The following TSHZ2 variants were observed in gnomAD, a reference collection of about 807,000 sequenced individuals.
TSHZ2 encodes the protein teashirt zinc finger homeobox 2, also known as teashirt homolog 2.
A neutral mutation model predicts 74.4 loss-of-function variants in TSHZ2; 21 were observed. That is an observed-to-expected ratio of 0.28 (90% CI 0.20 to 0.41). The LOEUF is 0.41. TSHZ2 is among the 10% of genes least tolerant of loss of function. The pLI, the probability that TSHZ2 is intolerant of heterozygous loss-of-function variation, is 1.00. For missense variants in TSHZ2, 1,244 were observed against 1,293.5 expected (o/e 0.96, Z 0.59); for synonymous variants, 540 against 515.3 (o/e 1.05, Z -0.65).
chr20:53,431,496 A>G (rs1224788633), intron 2 of TSHZ2, among the ~76,000 whole-genome samples: 1 of 151,696 alleles, frequency 6.6e-6, no homozygotes, highest in Non-Finnish European at 1.5e-5. Flanking sequence ...AAAGAAAGGC[A>G]CTTAGCACAC....
intron 1 of TSHZ2, among the ~76,000 whole-genome samples, chr20:52,975,955 GGACT>G (rs1331631115): frequency 1.3e-5 from 2 of 152,180 alleles, no homozygotes; most frequent in African/African-American, 2.4e-5. Context: ...TTACACCCAA[GGACT>G]GATGTTGAAA....
chr20:53,327,885 A>G (rs547858567), intron 2 of TSHZ2, among the ~76,000 whole-genome samples: 2 of 152,368 alleles, frequency 1.3e-5, no homozygotes, highest in African/African-American at 4.8e-5. Context: ...GTGAGGAGTC[A>G]GCCACACGGA....
chr20:53,201,664 T>A (rs1027028680), intron 1 of TSHZ2, among the ~76,000 whole-genome samples: 5 of 152,184 alleles, frequency 3.3e-5, no homozygotes, highest in African/African-American at 9.7e-5. Context: ...ATCTCGCCTG[T>A]CACAAGGGAC....
chr20:52,980,442 G>A (rs1411217283), intron 1 of TSHZ2, among the ~76,000 whole-genome samples: 1 of 151,288 alleles, frequency 6.6e-6, no homozygotes, highest in Non-Finnish European at 1.5e-5. Flanking sequence ...AAAAAAAAAG[G>A]CCAGCATTCT....
In TSHZ2 at chr20:53,491,427, G is replaced by C. The variant is rs1314933276; in HGVS notation, c.*4292G>C. ...ACAAATTTCCATCCCCCCAGACAGAGAGACATATTTCCATTGTAGGAAGGC... is the reference window on the plus strand; with the variant it reads ...ACAAATTTCCATCCCCCCAGACAGACAGACATATTTCCATTGTAGGAAGGC... On this transcript the variant is annotated 3_prime_UTR_variant, in exon 3 of 3. Transcript: ENST00000371497. The C allele has an allele frequency of 2.0e-5, 3 of 152,184 alleles. No homozygotes were observed. In the East Asian group the frequency reaches 5.8e-4, roughly 29 times the overall value. 9.4% of individuals were successfully genotyped at this position (152,184 alleles called of 1,614,324 possible).
At position 53,153,066 on chromosome 20, in the gene TSHZ2, T is replaced by C. The variant is rs115121374; in HGVS notation, c.41-100433T>C. Among the ~76,000 whole-genome samples, 178 of 152,238 alleles carry C rather than the reference T, an allele frequency of 1.2e-3. 1 individual carries two copies. The highest frequency in any genetic ancestry group is 3.9e-3 in the African/African-American group (164 of 41,542). On this transcript the variant is annotated intron_variant, in intron 1 of 2. Coordinates refer to ENST00000371497, the MANE Select transcript of TSHZ2 (RefSeq NM_173485.6). Reference sequence around the variant, plus strand: ...GCCCAGGTCCAGAATCCATCATGCCTCAGAATGCCTTTTCAAAAATGAAAT... The same window carrying C: ...GCCCAGGTCCAGAATCCATCATGCCCCAGAATGCCTTTTCAAAAATGAAAT...
At chr20:53,216,144 G>T (rs944697680) in intron 1 of TSHZ2, among the ~76,000 whole-genome samples, 2 of 152,242 alleles carry the variant, frequency 1.3e-5, no homozygotes, top group East Asian at 1.9e-4. Context: ...ACAGTGGGGG[G>T]CCAGCTCACT....
At chr20:53,330,138 C>T (rs1452582858) in intron 2 of TSHZ2, among the ~76,000 whole-genome samples, 1 of 152,164 alleles carries the variant, frequency 6.6e-6, no homozygotes, top group Non-Finnish European at 1.5e-5. Context: ...AGCTCCTGAT[C>T]TAGACTTTTT....
chr20:53,400,385 A>T (rs1468979511), intron 2 of TSHZ2: 1 of 152,336 alleles, frequency 6.6e-6, no homozygotes, highest in Non-Finnish European at 1.5e-5. Context: ...GAAACGCAGC[A>T]TAAGTCGAAG....
intron 1 of TSHZ2, among the ~76,000 whole-genome samples, chr20:53,015,771 G>A (rs563793714): frequency 2.4e-4 from 37 of 152,148 alleles, no homozygotes; most frequent in African/African-American, 7.9e-4. Flanking sequence ...TTAACTCACC[G>A]GTGATCATGC....
intron 1 of TSHZ2, among the ~76,000 whole-genome samples, chr20:53,202,650 G>A (rs1462413197): frequency 6.6e-6 from 1 of 152,118 alleles, no homozygotes; most frequent in Non-Finnish European, 1.5e-5. Flanking sequence ...CGTAGCATAG[G>A]CAGAGGATAC....
rs543313094 is a variant in TSHZ2 at position 53,462,128 on chromosome 20, C to T, written c.*9-25016C>T. ...AACTAGCAGGGCATGGTGGCGGGCA[C>T]CTGTAATCTCAGCTGCTTGGGAGGT... On this transcript the variant is annotated intron_variant, in intron 2 of 2. Coordinates refer to ENST00000371497, the MANE Select transcript of TSHZ2 (RefSeq NM_173485.6). Among the ~76,000 whole-genome samples, 28 of 151,910 alleles carry T rather than the reference C, an allele frequency of 1.8e-4. No individual in the cohort carries two copies. The South Asian group carries it at 5.4e-3, about 29-fold the overall frequency.
intron 1 of TSHZ2, among the ~76,000 whole-genome samples, chr20:53,174,903 TAAAAGA>T (rs1205476510): frequency 1.3e-5 from 2 of 151,826 alleles, no homozygotes; most frequent in African/African-American, 2.4e-5. Flanking sequence ...AGGAGAAAAA[TAAAAGA>T]AAAAATGAAT....
At chr20:53,414,750 C>T (rs994662978) in intron 2 of TSHZ2, among the ~76,000 whole-genome samples, 10 of 152,324 alleles carry the variant, frequency 6.6e-5, no homozygotes, top group African/African-American at 2.4e-4. Context: ...CAAGGGCTCA[C>T]GCAAGCACAT....
intron 1 of TSHZ2, among the ~76,000 whole-genome samples, chr20:53,110,316 C>T (rs1272033920): frequency 1.3e-5 from 2 of 151,988 alleles, no homozygotes; most frequent in Non-Finnish European, 2.9e-5. Flanking sequence ...CCCTCATGCC[C>T]ACAGCCAAAT....
intron 1 of TSHZ2, among the ~76,000 whole-genome samples, chr20:53,239,998 T>G (rs1410850694): frequency 6.6e-6 from 1 of 152,190 alleles, no homozygotes; most frequent in Non-Finnish European, 1.5e-5. Context: ...TATTTGTTCA[T>G]GAAATTTCAA....
intron 2 of TSHZ2, among the ~76,000 whole-genome samples, chr20:53,318,435 G>A (rs761860735): frequency 6.6e-6 from 1 of 152,144 alleles, no homozygotes; most frequent in Non-Finnish European, 1.5e-5. Context: ...GATTTCTCAG[G>A]GCCTGGCAAT....
At chr20:53,187,847 T>C (rs962976351) in intron 1 of TSHZ2, among the ~76,000 whole-genome samples, 4 of 151,898 alleles carry the variant, frequency 2.6e-5, no homozygotes, top group African/African-American at 9.7e-5. Flanking sequence ...AAATGGGAAA[T>C]CAGTAAAGTG....
chr20:53,447,377 C>A lies in TSHZ2; in HGVS notation c.*9-39767C>A, dbSNP rs74809445. Among the ~76,000 whole-genome samples the A allele has an allele frequency of 6.3e-3, 966 of 152,268 alleles. 14 individuals carry two copies. The highest frequency in any genetic ancestry group is 0.023 in the African/African-American group (937 of 41,544). On this transcript the variant is annotated intron_variant, in intron 2 of 2. Transcript: ENST00000371497. ...TTGCTCTCCCTTCCCTTTTTTACAC[C>A]TTTTATTTTGAAATACTTTTAGACT...
Sources: gnomAD v4.1 joint callset for allele counts (sites outside exome capture counted in the v4.1 genomes callset) on GRCh38, gnomAD v4.1.1 for gene constraint, MANE v1.5 for transcripts, NCBI Gene and HGNC (gene_info 2026-07-23, HGNC 2026-07-21) for gene names.